The following SEMA3D variants were observed in gnomAD, a reference collection of about 807,000 sequenced individuals.
SEMA3D encodes semaphorin-3D.
In SEMA3D, 84 loss-of-function variants were observed where a neutral mutation model predicts 100.1. The observed-to-expected ratio is 0.84, with a 90% CI of 0.70 to 1.01. SEMA3D has a LOEUF of 1.01. Among genes scored for constraint, SEMA3D ranks in the 50% least tolerant of loss-of-function variants. The pLI is 0.00. For synonymous variants in SEMA3D, 312 were observed against 320.7 expected, an observed-to-expected ratio of 0.97 and a Z score of 0.29; for missense variants, 875 against 934.1, an observed-to-expected ratio of 0.94 and a Z score of 0.82.
intron 17 of SEMA3D, among the ~76,000 whole-genome samples, chr7:85,007,436 G>T (rs1014928208): frequency 2.0e-5 from 3 of 151,724 alleles, no homozygotes; most frequent in African/African-American, 4.8e-5. Flanking sequence ...ATCTGCACCT[G>T]ACAAAATTCT....
chr7:85,185,733 G>A (rs1395427587), intron 1 of SEMA3D, among the ~76,000 whole-genome samples: 2 of 152,172 alleles, frequency 1.3e-5, no homozygotes, highest in Non-Finnish European at 1.5e-5. Flanking sequence ...CTCAGCCCAG[G>A]AGGTTGAACT....
intron 3 of SEMA3D, among the ~76,000 whole-genome samples, chr7:85,100,375 T>C (rs1788709790): frequency 6.6e-6 from 1 of 151,506 alleles, no homozygotes; most frequent in African/African-American, 2.4e-5. Context: ...AATTGTGATA[T>C]GCACAGACTC....
intron 1 of SEMA3D, among the ~76,000 whole-genome samples, chr7:85,182,089 C>G (rs571475020): frequency 7.4e-4 from 113 of 151,720 alleles, no homozygotes; most frequent in African/African-American, 2.6e-3. Context: ...TTTCTTTTAT[C>G]TTTTTTTTAG....
At chr7:85,083,869 C>T (rs1788139146) in intron 4 of SEMA3D, among the ~76,000 whole-genome samples, 2 of 144,524 alleles carry the variant, frequency 1.4e-5, no homozygotes, top group Admixed American at 7.1e-5. Flanking sequence ...TTGCATCGGC[C>T]GGGGGTGGTG....
intron 1 of SEMA3D, among the ~76,000 whole-genome samples, chr7:85,170,258 C>G (rs1457329583): frequency 6.6e-6 from 1 of 151,838 alleles, no homozygotes; most frequent in Admixed American, 6.6e-5. Flanking sequence ...GATGCCTGTA[C>G]AAACCTATTT....
intron 2 of SEMA3D, among the ~76,000 whole-genome samples, chr7:85,125,707 C>T (rs1789548265): frequency 6.6e-6 from 1 of 151,896 alleles, no homozygotes; most frequent in Non-Finnish European, 1.5e-5. Flanking sequence ...ATAGTTAATC[C>T]TTTAATTGAG....
At chr7:85,024,820 T>C (rs1231068652) in intron 12 of SEMA3D, among the ~76,000 whole-genome samples, 3 of 151,980 alleles carry the variant, frequency 2.0e-5, no homozygotes, top group East Asian at 1.9e-4. Context: ...ATATTGTTAT[T>C]TCAGTACATT....
At chr7:85,030,279 T>C (rs1330774020) in intron 12 of SEMA3D, among the ~76,000 whole-genome samples, 3 of 151,854 alleles carry the variant, frequency 2.0e-5, no homozygotes, top group African/African-American at 7.3e-5. Flanking sequence ...TAATAAAAAT[T>C]ATCATGCATT....
At chr7:85,190,041 A>C (rs2534868), upstream of SEMA3D, among the ~76,000 whole-genome samples, 103,815 of 151,846 alleles carry the variant, frequency 0.68, 36,576 homozygotes, top group East Asian at 0.92. Context: ...CTACCTCTGA[A>C]CAGAAGACAG....
chr7:85,208,128 T>C, the SEMA3D span, among the ~76,000 whole-genome samples: 27 of 145,852 alleles, frequency 1.9e-4, no homozygotes, highest in South Asian at 2.3e-3. Flanking sequence ...ACATATCATA[T>C]ACATATTAAT....
At chr7:85,034,910 C>A (rs1790650283) in intron 12 of SEMA3D, among the ~76,000 whole-genome samples, 1 of 152,022 alleles carries the variant, frequency 6.6e-6, no homozygotes, top group Non-Finnish European at 1.5e-5. Context: ...AACAGTGTGG[C>A]AGTTCCTCAA....
chr7:85,138,991 G>A (rs941282991), intron 2 of SEMA3D, among the ~76,000 whole-genome samples: 8 of 152,154 alleles, frequency 5.3e-5, no homozygotes, highest in African/African-American at 1.9e-4. Context: ...AAGTCAAAAG[G>A]TGAAGGCAGT....
intron 11 of SEMA3D, among the ~76,000 whole-genome samples, chr7:85,037,831 A>G (rs1255021566): frequency 6.6e-6 from 1 of 152,166 alleles, no homozygotes; most frequent in African/African-American, 2.4e-5. Context: ...AGAAATTAAA[A>G]GATATTTTCT....
the SEMA3D span, among the ~76,000 whole-genome samples, chr7:85,204,601 C>T: frequency 1.3e-5 from 2 of 152,028 alleles, no homozygotes; most frequent in Admixed American, 6.6e-5. Context: ...AACTTACTCC[C>T]TTCCATATTG....
chr7:85,212,678 A>T, the SEMA3D span, among the ~76,000 whole-genome samples: 1 of 151,984 alleles, frequency 6.6e-6, no homozygotes, highest in East Asian at 1.9e-4. Flanking sequence ...TTGTTTAATG[A>T]TTTACTACAG....
chr7:85,141,125 G>T (rs999838304), intron 2 of SEMA3D: 20 of 983,680 alleles, frequency 2.0e-5, no homozygotes, highest in Non-Finnish European at 2.1e-5. Context: ...TGTTTTTATA[G>T]GTGATTTGTC....
At chr7:85,228,601 T>C in the SEMA3D span, among the ~76,000 whole-genome samples, 4 of 152,108 alleles carry the variant, frequency 2.6e-5, no homozygotes, top group African/African-American at 7.2e-5. Context: ...AATCTCTTGA[T>C]CGTATTCCTT....
At chr7:85,149,333 T>C (rs1011424288) in intron 2 of SEMA3D, among the ~76,000 whole-genome samples, 1 of 152,108 alleles carries the variant, frequency 6.6e-6, no homozygotes, top group Non-Finnish European at 1.5e-5. Flanking sequence ...GGCACGTGCC[T>C]GTAATCTCAG....
the SEMA3D span, among the ~76,000 whole-genome samples, chr7:85,197,709 AC>A: frequency 6.6e-6 from 1 of 152,056 alleles, no homozygotes. Flanking sequence ...TTCATTGGCA[AC>A]CCTTTGGCAG....
Sources: allele counts gnomAD v4.1 joint callset (sites outside exome capture counted in the v4.1 genomes callset), GRCh38; gene constraint gnomAD v4.1.1; transcripts MANE v1.5; gene names NCBI Gene and HGNC (gene_info 2026-07-23, HGNC 2026-07-21).